The following EYS variants were observed in gnomAD, a reference collection of about 807,000 sequenced individuals.
EYS encodes the protein EGF-like photoreceptor maintenance factor.
A neutral mutation model predicts 282.1 loss-of-function variants in EYS; 250 were observed. The ratio of observed to expected loss-of-function variants is 0.89; its 90% CI spans 0.80 to 0.98. The LOEUF is 0.98. Among genes scored for constraint, EYS ranks in the 50% least tolerant of loss-of-function variants. EYS has a pLI of 0.00. For missense variants in EYS, 4,016 were observed against 3,709.0 expected (o/e 1.08, Z -2.15); for synonymous variants, 1,355 against 1,282.9 (o/e 1.06, Z -1.20).
chr6:65,513,152 C>T (rs1448278360), intron 2 of EYS, among the ~76,000 whole-genome samples: 2 of 152,202 alleles, frequency 1.3e-5, no homozygotes, highest in Non-Finnish European at 2.9e-5. Context: ...TCAGAGAATA[C>T]TACAAACACC....
chr6:64,119,497 A>T (rs911151152), intron 31 of EYS, among the ~76,000 whole-genome samples: 1 of 152,222 alleles, frequency 6.6e-6, no homozygotes, highest in Non-Finnish European at 1.5e-5. Flanking sequence ...TAATACAATA[A>T]GTTCACATTT....
intron 26 of EYS, among the ~76,000 whole-genome samples, chr6:64,582,404 C>A (rs888268523): frequency 1.3e-5 from 2 of 152,082 alleles, no homozygotes; most frequent in East Asian, 1.9e-4. Flanking sequence ...CCAAAACCAT[C>A]CCCTAGCCCC....
chr6:65,204,784 C>T (rs566986389), intron 12 of EYS, among the ~76,000 whole-genome samples: 1 of 147,824 alleles, frequency 6.8e-6, no homozygotes, highest in African/African-American at 2.6e-5. Flanking sequence ...AAACATTCTA[C>T]ATTCCAGAAT....
chr6:64,248,099 T>C (rs1262003066), intron 30 of EYS, among the ~76,000 whole-genome samples: 3 of 152,064 alleles, frequency 2.0e-5, no homozygotes, highest in Non-Finnish European at 4.4e-5. Context: ...CTCAGAAACC[T>C]GCCAGATTAA....
chr6:64,151,311 GTATATTTATATATATATATATATA>G lies in EYS; in HGVS notation c.6425-69333_6425-69310del, dbSNP rs1377127846. 1.5e-4 allele frequency among the ~76,000 whole-genome samples: 13 copies of G among 87,170 alleles called. No homozygotes were observed. In the East Asian group the frequency reaches 1.9e-3, roughly 13 times the overall value. The allele number at this position is 87,170 out of a possible 152,430, so 57.2% of individuals were successfully genotyped here. Reference sequence around the variant, plus strand: ...TATATGTTTTCACACGTGTGTGTGTGTATATTTATATATATATATATATATATATATATATATATATATATATAT... The same window carrying G: ...TATATGTTTTCACACGTGTGTGTGTGTATATATATATATATATATATATAT... On this transcript the variant is annotated intron_variant, in intron 31 of 42. Transcript: ENST00000503581.
intron 5 of EYS, among the ~76,000 whole-genome samples, chr6:65,407,131 T>C (rs1261862560): frequency 6.6e-6 from 1 of 152,230 alleles, no homozygotes; most frequent in Non-Finnish European, 1.5e-5. Context: ...ATTCTTGCAT[T>C]TCTCTCAGCA....
chr6:64,546,536 T>C (rs1582878310), intron 26 of EYS, among the ~76,000 whole-genome samples: 1 of 152,222 alleles, frequency 6.6e-6, no homozygotes, highest in East Asian at 1.9e-4. Flanking sequence ...CTAATTAAAC[T>C]AAAGAGCTTC....
chr6:64,257,274 C>A (rs1028106820), intron 30 of EYS, among the ~76,000 whole-genome samples: 6 of 151,968 alleles, frequency 3.9e-5, no homozygotes, highest in African/African-American at 1.4e-4. Flanking sequence ...TAAAACAGGC[C>A]TAGAGTTCAT....
intron 31 of EYS, among the ~76,000 whole-genome samples, chr6:64,086,107 C>A (rs1582247378): frequency 6.6e-6 from 1 of 152,182 alleles, no homozygotes; most frequent in Non-Finnish European, 1.5e-5. Context: ...CTTGAGTCCT[C>A]TAATCATTTC....
chr6:65,268,814 T>TTA (rs1554173776), intron 12 of EYS, among the ~76,000 whole-genome samples: 5 of 150,960 alleles, frequency 3.3e-5, no homozygotes, highest in East Asian at 3.9e-4. Flanking sequence ...AGTTTTTTTT[T>TTA]AAAAAAAAGA....
At chr6:64,779,345 T>A (rs528711985) in intron 22 of EYS, among the ~76,000 whole-genome samples, 2 of 152,016 alleles carry the variant, frequency 1.3e-5, no homozygotes, top group South Asian at 4.2e-4. Context: ...AAAAATGACA[T>A]GGAGGACACT....
intron 31 of EYS, among the ~76,000 whole-genome samples, chr6:64,214,244 CTT>C (rs1393101435): frequency 6.6e-6 from 1 of 152,084 alleles, no homozygotes; most frequent in African/African-American, 2.4e-5. Flanking sequence ...CAGAACTCAG[CTT>C]TGGCACTGCA....
intron 31 of EYS, among the ~76,000 whole-genome samples, chr6:64,211,175 C>T (rs529172265): frequency 2.6e-5 from 4 of 152,192 alleles, no homozygotes; most frequent in Non-Finnish European, 2.9e-5. Flanking sequence ...TCTATCTATC[C>T]GTCTATCTTC....
chr6:63,992,989 GTGTT>G (rs1767672379), intron 34 of EYS, among the ~76,000 whole-genome samples: 1 of 151,778 alleles, frequency 6.6e-6, no homozygotes, highest in Non-Finnish European at 1.5e-5. Flanking sequence ...GGTTTTATAA[GTGTT>G]TGGTTCTTCC....
At chr6:65,284,645 C>T (rs188086875) in intron 12 of EYS, among the ~76,000 whole-genome samples, 11 of 152,116 alleles carry the variant, frequency 7.2e-5, no homozygotes, top group African/African-American at 2.4e-4. Context: ...AAAGGAACCA[C>T]ATAGCTAAAT....
At chr6:64,131,915 T>C (rs1481669151) in intron 31 of EYS, among the ~76,000 whole-genome samples, 2 of 152,168 alleles carry the variant, frequency 1.3e-5, no homozygotes, top group Non-Finnish European at 2.9e-5. Flanking sequence ...TGAATATGAC[T>C]AAACTATGTA....
At chr6:64,370,739 T>C (rs1772338936) in intron 29 of EYS, among the ~76,000 whole-genome samples, 1 of 152,140 alleles carries the variant, frequency 6.6e-6, no homozygotes, top group African/African-American at 2.4e-5. Flanking sequence ...TCTTCTCGGT[T>C]CAATCTTGTG....
At chr6:63,783,419 A>G (rs1459498445) in intron 39 of EYS, among the ~76,000 whole-genome samples, 1 of 152,172 alleles carries the variant, frequency 6.6e-6, no homozygotes, top group Non-Finnish European at 1.5e-5. Flanking sequence ...GCATAGCTGT[A>G]AGAGAGTCTG....
chr6:64,352,893 T>G lies in EYS; in HGVS notation c.6078+35797A>C, dbSNP rs1374724652. On this transcript the variant is annotated intron_variant, in intron 29 of 42. Coordinates refer to ENST00000503581, the MANE Select transcript of EYS (RefSeq NM_001142800.2). ...TTCCAAAATTGTTAATTTCATCTAA[T>G]TATACAGTTCATTCTAATGGTTTTT... is the stretch of plus-strand genomic sequence containing the variant. Among the ~76,000 whole-genome samples, 4 of 151,560 alleles carry G rather than the reference T, an allele frequency of 2.6e-5. No individual in the cohort carries two copies. In the East Asian group the frequency reaches 7.8e-4, roughly 30 times the overall value.
Sources: allele counts gnomAD v4.1 joint callset (sites outside exome capture counted in the v4.1 genomes callset), GRCh38; gene constraint gnomAD v4.1.1; transcripts MANE v1.5; gene names NCBI Gene and HGNC (gene_info 2026-07-23, HGNC 2026-07-21).